The following PCDHGA2 variants were observed in gnomAD, a reference collection of about 807,000 sequenced individuals.
PCDHGA2 encodes protocadherin gamma subfamily A, 2, also known as protocadherin gamma-A2.
PCDHGA2 carries 40 observed loss-of-function variants against 59.2 expected under a neutral mutation model. That is an observed-to-expected ratio of 0.68 (90% CI 0.52 to 0.88). The LOEUF (loss-of-function observed/expected upper bound fraction) is 0.88. Among genes scored for constraint, PCDHGA2 ranks in the 40% least tolerant of loss-of-function variants. The probability of loss-of-function intolerance (pLI) is 0.00; values close to 1 mark genes in which losing one functional copy is unlikely to be tolerated. For missense variants in PCDHGA2, 1,226 were observed against 1,204.0 expected, an observed-to-expected ratio of 1.02 and a Z score of -0.27; for synonymous variants, 560 against 526.0, an observed-to-expected ratio of 1.06 and a Z score of -0.89.
At chr5:141,480,021 C>T (rs1415230863) in intron 1 of PCDHGA2, among the ~76,000 whole-genome samples, 2 of 152,208 alleles carry the variant, frequency 1.3e-5, no homozygotes, top group East Asian at 3.8e-4. Flanking sequence ...AATCTCCTTT[C>T]TAAGCCTCTT....
intron 1 of PCDHGA2, chr5:141,376,193 T>C: frequency 6.2e-7 from 1 of 1,614,164 alleles, no homozygotes; most frequent in East Asian, 2.2e-5. Flanking sequence ...CTCCTGCGTC[T>C]TCCTGGCCTT....
chr5:141,500,189 TTTATTTATTTATTTATTTA>T (rs2099797567), intron 2 of PCDHGA2, among the ~76,000 whole-genome samples: 1 of 110,894 alleles, frequency 9.0e-6, no homozygotes, highest in Non-Finnish European at 1.8e-5. Flanking sequence ...TTTATTTTTA[TTTATTTATTTATTTATTTA>T]TTTATTTATT....
Position 141,393,813 on chromosome 5 carries a change from C to T in PCDHGA2, c.2424+52418C>T, listed in dbSNP as rs376904307. On this transcript the variant is annotated intron_variant, in intron 1 of 3. Coordinates refer to ENST00000394576, the MANE Select transcript of PCDHGA2 (RefSeq NM_018915.4). ...GGCACTTCTGGGGAGGACCAAATTGCTCATTTCGGTGGAAGATGTAAATGA... is the reference window on the plus strand; with the variant it reads ...GGCACTTCTGGGGAGGACCAAATTGTTCATTTCGGTGGAAGATGTAAATGA... 4.3e-6 allele frequency: 7 copies of T among 1,613,812 alleles called. 1 individual carries two copies. The East Asian group carries it at 8.9e-5, about 21-fold the overall frequency.
chr5:141,399,414 C>T, intron 1 of PCDHGA2: 1 of 1,614,034 alleles, frequency 6.2e-7, no homozygotes, highest in East Asian at 2.2e-5. Flanking sequence ...CGCCCCTCTC[C>T]TCCAGCATAA....
chr5:141,400,198 G>A (rs559051247), intron 1 of PCDHGA2: 4 of 1,613,926 alleles, frequency 2.5e-6, no homozygotes, highest in Non-Finnish European at 2.5e-6. Flanking sequence ...CCTAGTGGTG[G>A]CCTTGGCCTT....
chr5:141,384,217 A>G lies in PCDHGA2; in HGVS notation c.2424+42822A>G, dbSNP rs1026607669. 6 of 1,613,776 alleles carry G rather than the reference A, an allele frequency of 3.7e-6. No homozygotes were observed. The African/African-American group carries it at 8.0e-5, about 22-fold the overall frequency. On this transcript the variant is annotated intron_variant, in intron 1 of 3. Coordinates refer to ENST00000394576, the MANE Select transcript of PCDHGA2 (RefSeq NM_018915.4). The stretch of plus-strand genomic sequence containing the variant: ...CTTGTCCAGGGAAACTCACATATTC[A>G]TGCAGGTGGCAGACACCAACGATAA...
intron 2 of PCDHGA2, among the ~76,000 whole-genome samples, chr5:141,500,705 T>A (rs1169100560): frequency 6.6e-6 from 1 of 152,220 alleles, no homozygotes; most frequent in Non-Finnish European, 1.5e-5. Context: ...TTGCAGTGTA[T>A]CATGAGAATT....
intron 1 of PCDHGA2, chr5:141,372,230 C>A (rs781407090): frequency 6.2e-7 from 1 of 1,613,346 alleles, no homozygotes; most frequent in Non-Finnish European, 8.5e-7. Context: ...TGCAGGCCAG[C>A]GAGCCCGGGC....
At chr5:141,368,303 C>G (rs981191656) in intron 1 of PCDHGA2, among the ~76,000 whole-genome samples, 4 of 152,066 alleles carry the variant, frequency 2.6e-5, no homozygotes, top group African/African-American at 9.7e-5. Context: ...TTTTTAAACA[C>G]TGTTAAAGAG....
At chr5:141,448,782 T>C (rs2098606045) in intron 1 of PCDHGA2, among the ~76,000 whole-genome samples, 1 of 148,758 alleles carries the variant, frequency 6.7e-6, no homozygotes, top group Non-Finnish European at 1.5e-5. Flanking sequence ...GTACTAAAAA[T>C]ACAAAAAAAA....
chr5:141,453,052 G>A (rs1299518260), intron 1 of PCDHGA2, among the ~76,000 whole-genome samples: 2 of 152,062 alleles, frequency 1.3e-5, no homozygotes, highest in East Asian at 3.9e-4. Flanking sequence ...ATTATGTGCA[G>A]TTTTAGAGTT....
At position 141,341,185 on chromosome 5, in the gene PCDHGA2, G is replaced by T. The variant is rs1348658280; in HGVS notation, c.2214G>T (p.Ser738=). 5.6e-6 allele frequency: 9 copies of T among 1,614,110 alleles called. No homozygotes were observed. Among genetic ancestry groups the T allele is most frequent in the South Asian group, 5.5e-5 (5 of 91,092 alleles). The change falls in exon 1 of 4, where the codon TCG becomes TCT. Residue 738 remains serine (S), a synonymous_variant. Coordinates refer to ENST00000394576, the MANE Select transcript of PCDHGA2 (RefSeq NM_018915.4). ...SGGSLTGMQS[S]HFVGVDGVRA... ...GCAGCTTGACAGGCATGCAGAGCTCGCACTTTGTGGGCGTGGACGGGGTTC... is the reference window on the plus strand; with the variant it reads ...GCAGCTTGACAGGCATGCAGAGCTCTCACTTTGTGGGCGTGGACGGGGTTC...
intron 1 of PCDHGA2, chr5:141,350,707 C>A (rs1181723037): frequency 1.2e-6 from 2 of 1,613,992 alleles, no homozygotes; most frequent in East Asian, 2.2e-5. Context: ...GGGTAAAATT[C>A]TCTCTGGATT....
chr5:141,366,498 G>A, intron 1 of PCDHGA2: 1 of 1,614,246 alleles, frequency 6.2e-7, no homozygotes, highest in Non-Finnish European at 8.5e-7. Flanking sequence ...CACAAGTCAC[G>A]CCTGCTTCAG....
At chr5:141,464,470 C>T (rs1175806879) in intron 1 of PCDHGA2, among the ~76,000 whole-genome samples, 3 of 151,194 alleles carry the variant, frequency 2.0e-5, no homozygotes, top group Non-Finnish European at 2.9e-5. Flanking sequence ...GAAGTATGTA[C>T]GTATAATAAA....
chr5:141,358,754 T>C (rs1332510048), intron 1 of PCDHGA2, among the ~76,000 whole-genome samples: 1 of 152,236 alleles, frequency 6.6e-6, no homozygotes, highest in Admixed American at 6.5e-5. Flanking sequence ...TCTCTTGTCA[T>C]CATGTGAGCC....
At position 141,339,607 on chromosome 5, in the gene PCDHGA2, C is replaced by T; in HGVS notation, c.636C>T (p.Leu212=). 1 of 1,614,186 alleles carries T rather than the reference C, an allele frequency of 6.2e-7. No homozygotes were observed. Among genetic ancestry groups the T allele is most frequent in the South Asian group, 1.1e-5 (1 of 91,076 alleles). The change falls in exon 1 of 4, where the codon CTC becomes CTT. Residue 212 remains leucine (L), a synonymous_variant. Coordinates refer to ENST00000394576, the MANE Select transcript of PCDHGA2 (RefSeq NM_018915.4). ...AAGAGGCTGTTCACCACCTCGTTCTCGTGGCTTCTGATGGGGGTGACCCAG... is the reference window on the plus strand; with the variant it reads ...AAGAGGCTGTTCACCACCTCGTTCTTGTGGCTTCTGATGGGGGTGACCCAG... ...REEEAVHHLV[L]VASDGGDPVL...
intron 1 of PCDHGA2, among the ~76,000 whole-genome samples, chr5:141,471,978 A>C (rs1246474598): frequency 1.3e-5 from 2 of 152,184 alleles, no homozygotes; most frequent in African/African-American, 4.8e-5. Flanking sequence ...TTACTGTATA[A>C]ATTTATTAAA....
At chr5:141,449,407 G>A (rs1367837385) in intron 1 of PCDHGA2, among the ~76,000 whole-genome samples, 2 of 151,754 alleles carry the variant, frequency 1.3e-5, no homozygotes, top group Non-Finnish European at 2.9e-5. Flanking sequence ...AGGAGTTCAA[G>A]ACCAGCCTGG....
Sources: gnomAD v4.1 joint callset for allele counts (sites outside exome capture counted in the v4.1 genomes callset) on GRCh38, gnomAD v4.1.1 for gene constraint, MANE v1.5 for transcripts, NCBI Gene and HGNC (gene_info 2026-07-23, HGNC 2026-07-21) for gene names.